PACRG: variants seen among roughly 807,000 people sequenced by gnomAD.
The protein encoded by PACRG is parkin coregulated, also known as parkin coregulated gene protein.
PACRG carries 29 observed loss-of-function variants against 29.7 expected under a neutral mutation model. The ratio of observed to expected loss-of-function variants is 0.98; its 90% CI spans 0.73 to 1.33. The LOEUF is 1.33. Ranked by LOEUF, PACRG falls within the 40% of genes most tolerant of loss-of-function variation. PACRG has a pLI of 0.00. For missense variants in PACRG, 279 were observed against 316.2 expected, an observed-to-expected ratio of 0.88 and a Z score of 0.89; for synonymous variants, 116 against 118.7, an observed-to-expected ratio of 0.98 and a Z score of 0.15.
intron 3 of PACRG, among the ~76,000 whole-genome samples, chr6:163,074,654 A>G (rs941635083): frequency 6.6e-6 from 1 of 152,208 alleles, no homozygotes; most frequent in Admixed American, 6.5e-5. Context: ...CTGTAACAAA[A>G]TACATATTGT....
At chr6:163,014,749 A>G (rs112035205) in intron 2 of PACRG, among the ~76,000 whole-genome samples, 7,400 of 151,982 alleles carry the variant, frequency 0.049, 616 homozygotes, top group African/African-American at 0.17. Context: ...TAAATAGTAG[A>G]CCTTTGTCAG....
chr6:163,023,809 C>T (rs1270863876), intron 2 of PACRG, among the ~76,000 whole-genome samples: 1 of 152,116 alleles, frequency 6.6e-6, no homozygotes, highest in Non-Finnish European at 1.5e-5. Context: ...TTTTGATTTG[C>T]ATTTCTCTGA....
At chr6:162,982,039 G>A (rs1802480796) in intron 2 of PACRG, among the ~76,000 whole-genome samples, 1 of 151,454 alleles carries the variant, frequency 6.6e-6, no homozygotes, top group African/African-American at 2.4e-5. Context: ...TATATTTCCA[G>A]GAATTTATCT....
chr6:162,920,435 G>A (rs748873856), intron 2 of PACRG, among the ~76,000 whole-genome samples: 1 of 152,160 alleles, frequency 6.6e-6, no homozygotes, highest in Non-Finnish European at 1.5e-5. Context: ...CATAGACACA[G>A]CACCTCCCCT....
At chr6:162,959,196 G>A (rs1800401331) in intron 2 of PACRG, among the ~76,000 whole-genome samples, 1 of 151,684 alleles carries the variant, frequency 6.6e-6, no homozygotes, top group African/African-American at 2.4e-5. Flanking sequence ...TGGGATTACA[G>A]GTGTTAGCCA....
At chr6:162,740,023 G>A (rs1267965566) in intron 1 of PACRG, among the ~76,000 whole-genome samples, 2 of 151,778 alleles carry the variant, frequency 1.3e-5, no homozygotes, top group Non-Finnish European at 2.9e-5. Flanking sequence ...TCCATATGGA[G>A]AGCCACCAAG....
intron 1 of PACRG, among the ~76,000 whole-genome samples, chr6:162,741,860 A>C (rs535511003): frequency 6.6e-6 from 1 of 152,328 alleles, no homozygotes; most frequent in East Asian, 1.9e-4. Context: ...TCTACAAAAA[A>C]TATTTATTAG....
chr6:162,826,806 A>G (rs1788326565), intron 2 of PACRG, among the ~76,000 whole-genome samples: 1 of 152,148 alleles, frequency 6.6e-6, no homozygotes, highest in African/African-American at 2.4e-5. Flanking sequence ...GGGTGGGGTT[A>G]TCCTAAGGAG....
intron 4 of PACRG, among the ~76,000 whole-genome samples, chr6:163,294,790 T>TC (rs141764778): frequency 0.031 from 4,716 of 152,312 alleles, 213 homozygotes; most frequent in African/African-American, 0.094. Flanking sequence ...ACAGTTTTCA[T>TC]CTGAATAATA....
intron 3 of PACRG, among the ~76,000 whole-genome samples, chr6:163,079,467 C>A (rs1263870524): frequency 6.6e-6 from 1 of 151,732 alleles, no homozygotes; most frequent in Non-Finnish European, 1.5e-5. Context: ...TGTATCCTCC[C>A]TATAAGGAAA....
chr6:163,192,706 G>A (rs1004861835), intron 4 of PACRG, among the ~76,000 whole-genome samples: 1 of 152,146 alleles, frequency 6.6e-6, no homozygotes, highest in Admixed American at 6.5e-5. Context: ...GATGGCTTAT[G>A]TGGATCTCTA....
chr6:163,257,295 G>T (rs4708984), intron 4 of PACRG, among the ~76,000 whole-genome samples: 111,809 of 151,714 alleles, frequency 0.74, 41,737 homozygotes, highest in African/African-American at 0.86. Flanking sequence ...GTTAAAGGGG[G>T]CATTCTGGGG....
intron 2 of PACRG, among the ~76,000 whole-genome samples, chr6:163,002,012 G>A (rs7761803): frequency 2.6e-5 from 4 of 151,938 alleles, no homozygotes; most frequent in African/African-American, 9.7e-5. Flanking sequence ...AGTTGTAAAT[G>A]AAATGAAATC....
At chr6:162,773,351 A>G (rs1183270099) in intron 1 of PACRG, among the ~76,000 whole-genome samples, 1 of 152,178 alleles carries the variant, frequency 6.6e-6, no homozygotes, top group Admixed American at 6.5e-5. Context: ...TTCAAAATGC[A>G]CAAACTGATT....
intron 4 of PACRG, among the ~76,000 whole-genome samples, chr6:163,167,042 G>T (rs1778843749): frequency 6.6e-6 from 1 of 152,186 alleles, no homozygotes; most frequent in Non-Finnish European, 1.5e-5. Flanking sequence ...AGCAGAATAT[G>T]TCTCACTGTG....
At chr6:162,931,180 A>T (rs1030984307) in intron 2 of PACRG, among the ~76,000 whole-genome samples, 2 of 151,680 alleles carry the variant, frequency 1.3e-5, no homozygotes, top group Non-Finnish European at 3.0e-5. Context: ...TTGTTTTCTT[A>T]TTGATTTATG....
At chr6:162,989,552 A>G (rs571721468) in intron 2 of PACRG, among the ~76,000 whole-genome samples, 4 of 152,156 alleles carry the variant, frequency 2.6e-5, no homozygotes, top group African/African-American at 4.8e-5. Context: ...TGTAAATGCT[A>G]TGCAAATATT....
At chr6:162,830,707 G>T (rs576986661) in intron 2 of PACRG, among the ~76,000 whole-genome samples, 2 of 152,182 alleles carry the variant, frequency 1.3e-5, no homozygotes, top group Non-Finnish European at 2.9e-5. Context: ...CAGGCATGGT[G>T]GGGGGTAGAC....
chr6:163,144,903 C>T (rs1391465157), intron 4 of PACRG, among the ~76,000 whole-genome samples: 1 of 152,202 alleles, frequency 6.6e-6, no homozygotes, highest in African/African-American at 2.4e-5. Flanking sequence ...TGCAAAGGAT[C>T]ACTTTCACAA....
Sources: allele counts gnomAD v4.1 joint callset (sites outside exome capture counted in the v4.1 genomes callset), GRCh38; gene constraint gnomAD v4.1.1; transcripts MANE v1.5; gene names NCBI Gene and HGNC (gene_info 2026-07-23, HGNC 2026-07-21).